EFCAB13: variants seen among roughly 807,000 people sequenced by gnomAD.
The protein encoded by EFCAB13 is EF-hand calcium-binding domain-containing protein 13.
In EFCAB13, 91 loss-of-function variants were observed where a neutral mutation model predicts 110.2. That is an observed-to-expected ratio of 0.83 (90% CI 0.70 to 0.98). The LOEUF is 0.98. Among genes scored for constraint, EFCAB13 ranks in the 50% least tolerant of loss-of-function variants. The pLI is 0.00. For missense variants in EFCAB13, 968 were observed against 1,119.4 expected, an observed-to-expected ratio of 0.86 and a Z score of 1.93; for synonymous variants, 323 against 369.9, an observed-to-expected ratio of 0.87 and a Z score of 1.45.
chr17:47,393,357 A>G lies in EFCAB13; in HGVS notation c.1727-668A>G, dbSNP rs140091082. On this transcript the variant is annotated intron_variant, in intron 15 of 24. Transcript: ENST00000331493. ...ACATTTGCATATCCCATGGTTTAGAAATACTATTCTTAGCTATAAATCCTG... is the reference window on the plus strand; with the variant it reads ...ACATTTGCATATCCCATGGTTTAGAGATACTATTCTTAGCTATAAATCCTG... Among the ~76,000 whole-genome samples, 588 of 152,340 alleles carry G rather than the reference A, an allele frequency of 3.9e-3. 4 individuals are homozygous for G. Among genetic ancestry groups the G allele is most frequent in the African/African-American group, 0.013 (551 of 41,578 alleles).
intron 8 of EFCAB13, among the ~76,000 whole-genome samples, chr17:47,347,040 T>C (rs1042429053): frequency 3.9e-5 from 6 of 152,130 alleles, no homozygotes; most frequent in Admixed American, 3.3e-4. Flanking sequence ...GGGAGGATCA[T>C]TTGAGACTAG....
chr17:47,380,238 AC>A (rs370024542), intron 14 of EFCAB13, among the ~76,000 whole-genome samples: 302 of 150,338 alleles, frequency 2.0e-3, no homozygotes, highest in African/African-American at 6.9e-3. Flanking sequence ...CTAGCCCCCT[AC>A]CCCCTGACAG....
At chr17:47,430,012 G>A (rs1327286856) in intron 24 of EFCAB13, 51 bp downstream of exon 24, 1 of 1,516,304 alleles carries the variant, frequency 6.6e-7, no homozygotes, top group Admixed American at 1.9e-5. Context: ...CTACCACAGG[G>A]GTGGAAGGTC....
intron 6 of EFCAB13, among the ~76,000 whole-genome samples, chr17:47,343,158 A>T (rs533062645): frequency 6.6e-6 from 1 of 152,224 alleles, no homozygotes; most frequent in African/African-American, 2.4e-5. Context: ...TCTTTCATAT[A>T]TAGTTGATCT....
At chr17:47,351,899 G>GTT (rs762050927) in intron 9 of EFCAB13, among the ~76,000 whole-genome samples, 81 of 121,474 alleles carry the variant, frequency 6.7e-4, no homozygotes, top group African/African-American at 1.5e-3. Flanking sequence ...TTTTCATGTA[G>GTT]TTTTTTTTTT....
At position 47,395,932 on chromosome 17, in the gene EFCAB13, A is replaced by C. The variant is rs748061761; in HGVS notation, c.1900A>C (p.Lys634Gln). ...NTLSSLNSNL[K>Q]KDEFLAALEL... is the part of the protein sequence containing the mutation. The stretch of plus-strand genomic sequence containing the variant: ...TCTGTCTAGTTTGAATAGTAATTTA[A>C]AAAAGGATGAATTTCTAGCTGCATT... The change falls in exon 17 of 25, where the codon AAA becomes CAA. Residue 634 changes from lysine (K) to glutamine (Q), a missense_variant. Transcript: ENST00000331493. 26 of 1,608,986 alleles carry C rather than the reference A, an allele frequency of 1.6e-5. 1 individual carries two copies. In the South Asian group the frequency reaches 2.8e-4, roughly 17 times the overall value.
intron 4 of EFCAB13, among the ~76,000 whole-genome samples, chr17:47,333,008 T>C (rs1487654039): frequency 3.3e-5 from 5 of 152,214 alleles, no homozygotes; most frequent in African/African-American, 1.2e-4. Flanking sequence ...CTGGAATGGC[T>C]GTACTAACAT....
chr17:47,410,254 G>A (rs75814507), intron 21 of EFCAB13, among the ~76,000 whole-genome samples: 3,447 of 152,272 alleles, frequency 0.023, 112 homozygotes, highest in East Asian at 0.18. Flanking sequence ...GTTTGAGAGA[G>A]CAAGAGAGCA....
At chr17:47,375,434 T>C (rs1449228966) in intron 12 of EFCAB13, among the ~76,000 whole-genome samples, 2 of 151,762 alleles carry the variant, frequency 1.3e-5, no homozygotes, top group Non-Finnish European at 2.9e-5. Flanking sequence ...GCTGGGAGCA[T>C]AGGAACATGC....
At chr17:47,368,405 C>A (rs1355624594) in intron 10 of EFCAB13, among the ~76,000 whole-genome samples, 2 of 152,194 alleles carry the variant, frequency 1.3e-5, no homozygotes, top group African/African-American at 2.4e-5. Context: ...CAGAAAGGAG[C>A]AGACTGTGGA....
chr17:47,344,919 C>G (rs76166964), intron 7 of EFCAB13, 97 bp from the exon 8 acceptor site: 22,920 of 883,930 alleles, frequency 0.026, 852 homozygotes, highest in East Asian at 0.17. Context: ...AAGAAAGGTT[C>G]TTATGAATCT....
intron 5 of EFCAB13, among the ~76,000 whole-genome samples, chr17:47,338,683 A>G (rs559928331): frequency 6.6e-6 from 1 of 152,256 alleles, no homozygotes; most frequent in African/African-American, 2.4e-5. Flanking sequence ...GTACCTCAAT[A>G]GAAAATTTAC....
intron 18 of EFCAB13, among the ~76,000 whole-genome samples, chr17:47,403,328 C>G (rs765056716): frequency 6.6e-6 from 1 of 152,118 alleles, no homozygotes; most frequent in Admixed American, 6.5e-5. Context: ...CCATTTTAGA[C>G]GAGACATTAA....
At chr17:47,399,692 A>C (rs2065768731) in intron 17 of EFCAB13, among the ~76,000 whole-genome samples, 1 of 151,998 alleles carries the variant, frequency 6.6e-6, no homozygotes, top group Admixed American at 6.5e-5. Context: ...AGTGAAATTG[A>C]AGAGTGAGTT....
intron 10 of EFCAB13, among the ~76,000 whole-genome samples, chr17:47,366,061 G>T (rs996213515): frequency 1.3e-5 from 2 of 152,230 alleles, no homozygotes; most frequent in Admixed American, 1.3e-4. Flanking sequence ...AGAAGACATA[G>T]CACTGCAGGT....
chr17:47,436,607 A>G (rs1201518819), intron 24 of EFCAB13, among the ~76,000 whole-genome samples: 1 of 152,026 alleles, frequency 6.6e-6, no homozygotes, highest in African/African-American at 2.4e-5. Context: ...CAGTGATGTC[A>G]GTTGTAATAT....
intron 23 of EFCAB13, chr17:47,423,222 T>C (rs1194442940): frequency 6.6e-6 from 1 of 152,166 alleles, no homozygotes; most frequent in Non-Finnish European, 1.5e-5. Flanking sequence ...TGTAATAATT[T>C]CCTAATTTTT....
intron 16 of EFCAB13, 65 bp downstream of exon 16, chr17:47,394,164 C>A: frequency 1.9e-6 from 2 of 1,035,972 alleles, no homozygotes; most frequent in Non-Finnish European, 2.8e-6. Context: ...TTTAGAAGAG[C>A]GTAAACACTC....
chr17:47,348,055 A>C, intron 9 of EFCAB13, 104 bp downstream of exon 9: 2 of 928,322 alleles, frequency 2.2e-6, no homozygotes, highest in Non-Finnish European at 2.9e-6. Flanking sequence ...AATATATTGT[A>C]AAAACATCAT....
Sources: gnomAD v4.1 joint callset for allele counts (sites outside exome capture counted in the v4.1 genomes callset) on GRCh38, gnomAD v4.1.1 for gene constraint, MANE v1.5 for transcripts, NCBI Gene and HGNC (gene_info 2026-07-23, HGNC 2026-07-21) for gene names.